Variants in MICAL2 observed in about 807,000 individuals in gnomAD.
The protein encoded by MICAL2 is microtubule associated monooxygenase, calponin and LIM domain containing 2.
A neutral mutation model predicts 127.3 loss-of-function variants in MICAL2; 77 were observed. The ratio of observed to expected loss-of-function variants is 0.60; its 90% CI spans 0.50 to 0.73. The LOEUF (loss-of-function observed/expected upper bound fraction) is 0.73. MICAL2 is among the 30% of genes least tolerant of loss of function. The probability of loss-of-function intolerance (pLI) is 0.00; values close to 1 mark genes in which losing one functional copy is unlikely to be tolerated. For synonymous variants in MICAL2, 570 were observed against 551.1 expected (o/e 1.03, Z -0.48); for missense variants, 1,351 against 1,434.4 (o/e 0.94, Z 0.94).
intron 1 of MICAL2, among the ~76,000 whole-genome samples, chr11:12,130,815 G>A (rs12421893): frequency 6.6e-6 from 1 of 152,104 alleles, no homozygotes; most frequent in South Asian, 2.1e-4. Flanking sequence ...GGCCTGGCAG[G>A]TCTGCAGAGC....
At chr11:12,192,036 AACCCCC>A (rs1859225523) in intron 3 of MICAL2, among the ~76,000 whole-genome samples, 3 of 151,928 alleles carry the variant, frequency 2.0e-5, no homozygotes, top group African/African-American at 4.8e-5. Context: ...AACTTCTTGG[AACCCCC>A]ACCCCCACCC....
chr11:12,258,538 G>A lies in MICAL2; in HGVS notation c.3213G>A (p.Glu1071=). ...TNSKQRKRRA[E]LKQQREEEAT... ...GCAAACAACGGAAGAGACGGGCAGA[G>A]TTGAAGCAACAAAGAGAGGTATGTT... The change falls in exon 25 of 28, where the codon GAG becomes GAA. Residue 1071 remains glutamate (E), a synonymous_variant. Coordinates refer to ENST00000683283, the MANE Select transcript of MICAL2 (RefSeq NM_001282663.2). 1.2e-6 allele frequency: 2 copies of A among 1,613,890 alleles called. No individual in the cohort carries two copies. Among genetic ancestry groups the A allele is most frequent in the Non-Finnish European group, 1.7e-6 (2 of 1,179,896 alleles).
chr11:12,145,271 C>A (rs896560858), intron 2 of MICAL2, among the ~76,000 whole-genome samples: 3 of 152,106 alleles, frequency 2.0e-5, no homozygotes, highest in Non-Finnish European at 2.9e-5. Context: ...GCTATCAGGA[C>A]CCAGCATGCA....
In MICAL2 at chr11:12,172,709, CTG is replaced by C. The variant is rs950787946; in HGVS notation, c.264+10291_264+10292del. Among the ~76,000 whole-genome samples the C allele has an allele frequency of 2.5e-4, 38 of 152,218 alleles. 1 individual carries two copies. The highest frequency in any genetic ancestry group is 4.8e-4 in the African/African-American group (20 of 41,536). On this transcript the variant is annotated intron_variant, in intron 3 of 27. Transcript: ENST00000683283. ...AAGGAAGAAAAAAAAACTCAGCAAA[CTG>C]AGAGAGGCTCCTATTAACAGGCCCC...
At chr11:12,154,392 C>G (rs1030779652) in intron 2 of MICAL2, among the ~76,000 whole-genome samples, 3 of 151,982 alleles carry the variant, frequency 2.0e-5, no homozygotes, top group African/African-American at 7.3e-5. Flanking sequence ...TTGAGATGGA[C>G]AGTCAGGGAA....
At chr11:12,227,243 G>A in intron 15 of MICAL2, 112 bp downstream of exon 15, 1 of 750,964 alleles carries the variant, frequency 1.3e-6, no homozygotes, top group Non-Finnish European at 2.2e-6. Flanking sequence ...CATGGATCAG[G>A]CGCTCCCGGA....
At chr11:12,207,765 C>T (rs1854909363) in intron 4 of MICAL2, 4 of 377,806 alleles carry the variant, frequency 1.1e-5, no homozygotes, top group South Asian at 4.8e-5. Flanking sequence ...CTCTGTGTCG[C>T]CTTGAGCAAG....
chr11:12,275,318 C>T (rs1224861260), upstream of MICAL2, among the ~76,000 whole-genome samples: 2 of 152,116 alleles, frequency 1.3e-5, no homozygotes, highest in African/African-American at 4.8e-5. Flanking sequence ...CAGGAATGTC[C>T]AGGCTGGAGA....
At chr11:12,262,252 G>A (rs1863227274) in intron 26 of MICAL2, 40 of 1,405,984 alleles carry the variant, frequency 2.8e-5, no homozygotes, top group Non-Finnish European at 3.7e-5. Flanking sequence ...GGAGCAAGAT[G>A]CAAACTGTGT....
intron 1 of MICAL2, among the ~76,000 whole-genome samples, chr11:12,120,446 A>G (rs753634065): frequency 6.6e-6 from 1 of 152,126 alleles, no homozygotes; most frequent in Non-Finnish European, 1.5e-5. Context: ...AGTCCCTGTG[A>G]TGACTGGTGG....
intron 4 of MICAL2, 87 bp from the exon 5 acceptor site, chr11:12,207,936 C>A: frequency 3.0e-6 from 3 of 1,010,132 alleles, no homozygotes; most frequent in Non-Finnish European, 4.7e-6. Context: ...TCAAAGGTCA[C>A]TGAGCGGCAG....
intron 2 of MICAL2, among the ~76,000 whole-genome samples, chr11:12,140,592 C>G (rs1852260752): frequency 6.6e-6 from 1 of 151,908 alleles, no homozygotes; most frequent in Non-Finnish European, 1.5e-5. Context: ...AGTTTCTTGC[C>G]ATGATAAGGA....
At chr11:12,205,353 G>C (rs1854544853) in intron 4 of MICAL2, among the ~76,000 whole-genome samples, 1 of 152,178 alleles carries the variant, frequency 6.6e-6, no homozygotes, top group African/African-American at 2.4e-5. Flanking sequence ...TGAACTGCAA[G>C]GGTCCACTTA....
intron 34 of MICAL2, among the ~76,000 whole-genome samples, chr11:12,356,800 C>T (rs757621759): frequency 1.6e-4 from 24 of 152,220 alleles, no homozygotes; most frequent in Non-Finnish European, 2.8e-4. Context: ...CCGCCCATGC[C>T]GCATACAGCA....
downstream of MICAL2, among the ~76,000 whole-genome samples, chr11:12,289,559 TTTTTTTG>T (rs1590722798): frequency 7.6e-5 from 2 of 26,262 alleles, 1 homozygote; most frequent in Non-Finnish European, 3.3e-4. Flanking sequence ...ACCTCTTGTT[TTTTTTTG>T]TTTTTTTTTT....
At chr11:12,294,055 G>A, downstream of MICAL2, 1 of 1,614,158 alleles carries the variant, frequency 6.2e-7, no homozygotes, top group Non-Finnish European at 8.5e-7. Flanking sequence ...AAGCTGGGGA[G>A]CGAATTTCCC....
chr11:12,255,563 C>A, intron 22 of MICAL2, 80 bp from the exon 23 acceptor site: 1 of 1,253,892 alleles, frequency 8.0e-7, no homozygotes, highest in Non-Finnish European at 1.1e-6. Flanking sequence ...TCTCCCCATC[C>A]ATCCTGCTTG....
At chr11:12,276,001 C>G (rs776409154), upstream of MICAL2, 42 of 399,260 alleles carry the variant, frequency 1.1e-4, no homozygotes, top group South Asian at 1.0e-3. Context: ...CCCACCTCCC[C>G]CAAGAGGCCG....
intron 3 of MICAL2, among the ~76,000 whole-genome samples, chr11:12,178,010 T>C (rs1236126102): frequency 2.6e-5 from 4 of 152,244 alleles, no homozygotes; most frequent in Non-Finnish European, 4.4e-5. Flanking sequence ...AGATGCTTGG[T>C]GGCTGGCAGC....
Sources: gnomAD v4.1 joint callset for allele counts (sites outside exome capture counted in the v4.1 genomes callset) on GRCh38, gnomAD v4.1.1 for gene constraint, MANE v1.5 for transcripts, NCBI Gene and HGNC (gene_info 2026-07-23, HGNC 2026-07-21) for gene names.